NCAM2: variants seen among roughly 807,000 people sequenced by gnomAD.
NCAM2 encodes neural cell adhesion molecule 2, also known as N-CAM-2.
A neutral mutation model predicts 98.1 loss-of-function variants in NCAM2; 30 were observed. The observed-to-expected ratio is 0.31, with a 90% confidence interval of 0.23 to 0.41. The LOEUF is 0.41. Ranked by LOEUF, NCAM2 falls within the 10% of genes least tolerant of loss-of-function variation. The pLI is 1.00. For synonymous variants in NCAM2, 368 were observed against 342.4 expected, an observed-to-expected ratio of 1.07 and a Z score of -0.83; for missense variants, 867 against 1,005.8, an observed-to-expected ratio of 0.86 and a Z score of 1.87.
rs1054372285 is a variant in NCAM2, at chr21:21,482,164, T to A, written c.2077+4693T>A. On this transcript the variant is annotated intron_variant, in intron 15 of 17. Coordinates refer to ENST00000400546, the MANE Select transcript of NCAM2 (RefSeq NM_004540.5). ...CTGAATCCGGATTGCTAAGGCCTCA[T>A]AGAAAGTCATATCAGAAACAAACCA... Among the ~76,000 whole-genome samples, 3 of 152,098 alleles carry A rather than the reference T, an allele frequency of 2.0e-5. No individual in the cohort carries two copies. In the East Asian group the frequency reaches 5.8e-4, roughly 29 times the overall value.
In NCAM2 at chr21:21,542,898, A is replaced by T. The variant is rs1410004816; in HGVS notation, c.*4941A>T. On this transcript the variant is annotated 3_prime_UTR_variant, in exon 18 of 18. Transcript: ENST00000400546. The stretch of plus-strand genomic sequence containing the variant: ...AGAACAACATGCATACTATAAAAGA[A>T]ATGATACTATTAAGAACAAACCTAC... 6.6e-6 allele frequency: 1 copy of T among 151,918 alleles called. No homozygotes were observed. Among genetic ancestry groups the T allele is most frequent in the African/African-American group, 2.4e-5 (1 of 41,422 alleles). 9.4% of individuals were successfully genotyped at this position (151,918 alleles called of 1,614,324 possible). A position where few individuals can be genotyped will look rare whatever the true frequency, so the allele number is the denominator to read the frequency against.
At chr21:21,451,643 C>T (rs1981085198) in intron 12 of NCAM2, among the ~76,000 whole-genome samples, 1 of 152,124 alleles carries the variant, frequency 6.6e-6, no homozygotes, top group African/African-American at 2.4e-5. Flanking sequence ...ATATGTGCTA[C>T]TTCTACTGGG....
chr21:21,218,499 G>A (rs138105187), intron 1 of NCAM2, among the ~76,000 whole-genome samples: 62 of 152,274 alleles, frequency 4.1e-4, no homozygotes, highest in African/African-American at 1.4e-3. Context: ...GATTGCCAAT[G>A]AATTATTAAG....
chr21:21,339,406 A>G (rs1053165099), intron 8 of NCAM2, among the ~76,000 whole-genome samples: 5 of 152,056 alleles, frequency 3.3e-5, no homozygotes, highest in African/African-American at 1.2e-4. Context: ...ATGGATTTTA[A>G]TTACTATTAT....
chr21:21,421,627 T>C (rs919734978), intron 11 of NCAM2, among the ~76,000 whole-genome samples: 5 of 152,182 alleles, frequency 3.3e-5, no homozygotes, highest in African/African-American at 1.2e-4. Context: ...TCCTGCAGAA[T>C]CCTAACACTG....
Position 20,998,511 on chromosome 21 carries a change from C to T in NCAM2, c.-53C>T. 6.3e-7 allele frequency: 1 copy of T among 1,589,148 alleles called. No homozygotes were observed. Among genetic ancestry groups the T allele is most frequent in the Admixed American group, 1.7e-5 (1 of 59,752 alleles). ...GCCGGGGCAGCGAAAGGTTCTCTCTCCAGGGCTGGACTTAATAACTTTGAA... is the reference window on the plus strand; with the variant it reads ...GCCGGGGCAGCGAAAGGTTCTCTCTTCAGGGCTGGACTTAATAACTTTGAA... On this transcript the variant is annotated 5_prime_UTR_variant, in exon 1 of 18. Coordinates refer to ENST00000400546, the MANE Select transcript of NCAM2 (RefSeq NM_004540.5).
intron 9 of NCAM2, among the ~76,000 whole-genome samples, chr21:21,406,508 T>G (rs182028902): frequency 6.6e-6 from 1 of 152,134 alleles, no homozygotes; most frequent in African/African-American, 2.4e-5. Context: ...AGTTGAAAAG[T>G]GGGCTAAGAA....
intron 1 of NCAM2, among the ~76,000 whole-genome samples, chr21:21,153,825 C>T (rs908315498): frequency 2.0e-5 from 3 of 151,744 alleles, no homozygotes; most frequent in African/African-American, 7.3e-5. Context: ...TTAGATCATT[C>T]TGAAAGCATT....
chr21:21,161,682 A>C (rs8130978), intron 1 of NCAM2, among the ~76,000 whole-genome samples: 1 of 151,936 alleles, frequency 6.6e-6, no homozygotes, highest in Non-Finnish European at 1.5e-5. Flanking sequence ...CCTATTAGTG[A>C]CATATACATG....
intron 5 of NCAM2, among the ~76,000 whole-genome samples, chr21:21,310,083 C>T (rs992918849): frequency 1.3e-5 from 2 of 152,062 alleles, no homozygotes; most frequent in African/African-American, 4.8e-5. Context: ...AATAGGAAGA[C>T]CTGACTTCTA....
chr21:21,004,207 C>G (rs1328082389), intron 1 of NCAM2, among the ~76,000 whole-genome samples: 1 of 152,118 alleles, frequency 6.6e-6, no homozygotes, highest in Non-Finnish European at 1.5e-5. Context: ...TATTTAAATT[C>G]TGTGCCATTT....
chr21:21,499,427 G>C (rs997148596), intron 15 of NCAM2, among the ~76,000 whole-genome samples: 1 of 152,082 alleles, frequency 6.6e-6, no homozygotes, highest in African/African-American at 2.4e-5. Context: ...ACTTATAGTA[G>C]AGACAGGGTT....
chr21:21,141,481 C>T (rs2067167297), intron 1 of NCAM2, among the ~76,000 whole-genome samples: 2 of 152,156 alleles, frequency 1.3e-5, no homozygotes, highest in Non-Finnish European at 2.9e-5. Flanking sequence ...ACCAGAAAGG[C>T]AGAATAAATG....
intron 1 of NCAM2, among the ~76,000 whole-genome samples, chr21:21,125,584 A>G (rs1601435372): frequency 1.4e-5 from 1 of 70,778 alleles, no homozygotes; most frequent in African/African-American, 4.4e-5. Context: ...AACATATAAT[A>G]TACATATTTA....
intron 1 of NCAM2, among the ~76,000 whole-genome samples, chr21:21,055,086 T>C (rs921044420): frequency 6.6e-6 from 1 of 152,066 alleles, no homozygotes; most frequent in Admixed American, 6.6e-5. Flanking sequence ...TTTTGTAACA[T>C]CTCTTAATTT....
At chr21:21,482,252 T>C (rs1243099735) in intron 15 of NCAM2, among the ~76,000 whole-genome samples, 1 of 152,154 alleles carries the variant, frequency 6.6e-6, no homozygotes, top group Non-Finnish European at 1.5e-5. Flanking sequence ...GCTGTGATGA[T>C]GGGGAATTTG....
intron 1 of NCAM2, among the ~76,000 whole-genome samples, chr21:21,240,204 C>T (rs2071009232): frequency 6.6e-6 from 1 of 152,100 alleles, no homozygotes; most frequent in African/African-American, 2.4e-5. Flanking sequence ...AAATGCCCAA[C>T]AGATTTCTTT....
chr21:21,163,616 C>T (rs1189542570), intron 1 of NCAM2, among the ~76,000 whole-genome samples: 1 of 151,984 alleles, frequency 6.6e-6, no homozygotes, highest in East Asian at 1.9e-4. Flanking sequence ...GAGTAGTTTT[C>T]TGTACAGTTA....
chr21:21,272,917 A>C (rs1472582929), intron 1 of NCAM2, among the ~76,000 whole-genome samples: 2 of 63,638 alleles, frequency 3.1e-5, no homozygotes, highest in African/African-American at 1.1e-4. Flanking sequence ...CTCCAAAATG[A>C]TAATAGGGAC....
Sources: allele counts gnomAD v4.1 joint callset (sites outside exome capture counted in the v4.1 genomes callset), GRCh38; gene constraint gnomAD v4.1.1; transcripts MANE v1.5; gene names NCBI Gene and HGNC (gene_info 2026-07-23, HGNC 2026-07-21).